The following PCGF3 variants were observed in gnomAD, a reference collection of about 807,000 sequenced individuals.
PCGF3 encodes the protein polycomb group RING finger protein 3.
Under a neutral mutation model 33.1 loss-of-function variants are expected in PCGF3, and 7 were observed. The observed-to-expected ratio is 0.21, with a 90% CI of 0.12 to 0.40. The LOEUF (loss-of-function observed/expected upper bound fraction) is 0.40, where lower values mean the gene tolerates loss of function less well. Among genes scored for constraint, PCGF3 ranks in the 10% least tolerant of loss-of-function variants. The pLI, the probability that PCGF3 is intolerant of heterozygous loss-of-function variation, is 1.00. For missense variants in PCGF3, 211 were observed against 313.3 expected (o/e 0.67, Z 2.46); for synonymous variants, 153 against 121.3 (o/e 1.26, Z -1.72).
chr4:715,629 C>G (rs541724758), intron 1 of PCGF3, among the ~76,000 whole-genome samples: 2 of 100,424 alleles, frequency 2.0e-5, no homozygotes, highest in East Asian at 7.7e-4. Context: ...CCTGTAGACA[C>G]TTAGTGTGAG....
intron 9 of PCGF3, among the ~76,000 whole-genome samples, chr4:763,514 A>G (rs574149824): frequency 7.9e-5 from 12 of 152,344 alleles, no homozygotes; most frequent in African/African-American, 1.9e-4. Flanking sequence ...GGGAAACGCA[A>G]GGAAAACTGC....
chr4:743,011 G>C (rs1401530320), intron 6 of PCGF3, among the ~76,000 whole-genome samples: 1 of 152,224 alleles, frequency 6.6e-6, no homozygotes, highest in African/African-American at 2.4e-5. Flanking sequence ...AGCGTGGGGG[G>C]AACCCAGTGG....
At chr4:765,181 C>G (rs1007472237) in intron 10 of PCGF3, 117 bp downstream of exon 10, 8 of 699,660 alleles carry the variant, frequency 1.1e-5, no homozygotes, top group Non-Finnish European at 1.8e-5. Context: ...TGCCTGTAAT[C>G]CCAGCACTTT....
chr4:741,751 G>T (rs1390441386), intron 6 of PCGF3, among the ~76,000 whole-genome samples: 1 of 152,132 alleles, frequency 6.6e-6, no homozygotes, highest in East Asian at 1.9e-4. Context: ...ACTGAGTGCT[G>T]CTATTTTTAA....
chr4:736,308 C>T (rs1360937718), intron 5 of PCGF3, among the ~76,000 whole-genome samples: 1 of 152,170 alleles, frequency 6.6e-6, no homozygotes, highest in Non-Finnish European at 1.5e-5. Context: ...TCAGTCTCCC[C>T]AAATGCTAGG....
intron 1 of PCGF3, 75 bp downstream of exon 1, chr4:706,045 C>T (rs2109493373): frequency 6.5e-6 from 1 of 153,124 alleles, no homozygotes; most frequent in Admixed American, 6.5e-5. Context: ...CCGTGTCCGG[C>T]CCGGAAGGCT....
intron 5 of PCGF3, among the ~76,000 whole-genome samples, chr4:735,493 C>T (rs867561648): frequency 3.9e-5 from 6 of 152,116 alleles, no homozygotes; most frequent in Non-Finnish European, 7.3e-5. Flanking sequence ...TTGCAGTAAG[C>T]GGAGATTGCG....
chr4:748,429 GC>G, intron 8 of PCGF3, among the ~76,000 whole-genome samples: 1 of 152,198 alleles, frequency 6.6e-6, no homozygotes, highest in South Asian at 2.1e-4. Context: ...CGAACTTCTG[GC>G]CCGCCTCAGC....
At chr4:731,546 G>A (rs1467626901) in intron 3 of PCGF3, among the ~76,000 whole-genome samples, 1 of 137,816 alleles carries the variant, frequency 7.3e-6, no homozygotes, top group Non-Finnish European at 1.6e-5. Context: ...GGGGTGTAGG[G>A]CGGGGCTCCC....
At chr4:738,103 G>T (rs771404353) in intron 6 of PCGF3, among the ~76,000 whole-genome samples, 1 of 152,268 alleles carries the variant, frequency 6.6e-6, no homozygotes, top group Admixed American at 6.5e-5. Context: ...AGGCCAAGGA[G>T]GGGCCAGGTC....
chr4:755,057 C>T lies in PCGF3; in HGVS notation c.463-6222C>T, dbSNP rs559970489. 3.6e-4 allele frequency among the ~76,000 whole-genome samples: 55 copies of T among 152,348 alleles called. 1 individual carries two copies. Among genetic ancestry groups the T allele is most frequent in the Non-Finnish European group, 4.4e-5 (3 of 68,034 alleles). On this transcript the variant is annotated intron_variant, in intron 8 of 10. Transcript: ENST00000362003. Reference sequence around the variant, plus strand: ...AGGTCTTTCTGCAGTGCCCTCTTTACAATCAGAGTTGCATTTCGAGGTGTG... The same window carrying T: ...AGGTCTTTCTGCAGTGCCCTCTTTATAATCAGAGTTGCATTTCGAGGTGTG...
intron 8 of PCGF3, among the ~76,000 whole-genome samples, chr4:749,313 C>A (rs1468851887): frequency 6.6e-6 from 1 of 151,622 alleles, no homozygotes; most frequent in East Asian, 1.9e-4. Flanking sequence ...TACAGGCATG[C>A]GCCACCACGC....
intron 8 of PCGF3, among the ~76,000 whole-genome samples, chr4:759,846 G>A (rs1330272518): frequency 4.2e-5 from 2 of 47,578 alleles, no homozygotes; most frequent in East Asian, 5.6e-4. Context: ...CTTTCTCCCC[G>A]CGCGGCCCCT....
At chr4:752,492 C>G (rs1744566224) in intron 8 of PCGF3, among the ~76,000 whole-genome samples, 1 of 152,224 alleles carries the variant, frequency 6.6e-6, no homozygotes, top group Non-Finnish European at 1.5e-5. Context: ...CTCTTTTCCC[C>G]CAGCTGCTGC....
chr4:722,125 T>G (rs1560199099), intron 1 of PCGF3: 1 of 154,872 alleles, frequency 6.5e-6, no homozygotes, highest in East Asian at 1.9e-4. Flanking sequence ...TGCAGTGTTA[T>G]CTAAGGACAC....
At chr4:725,183 G>A (rs1743272080) in intron 1 of PCGF3, 1 of 152,348 alleles carries the variant, frequency 6.6e-6, no homozygotes, top group South Asian at 2.1e-4. Flanking sequence ...GTTTTGATGA[G>A]GACTCGTATT....
chr4:766,111 C>G, exon 11 of PCGF3: 1 of 1,607,802 alleles, frequency 6.2e-7, no homozygotes, highest in Non-Finnish European at 8.5e-7. Flanking sequence ...AGACTGGGCC[C>G]TCGCACCCTT....
At chr4:734,348 G>C in intron 4 of PCGF3, 1 of 1,432,646 alleles carries the variant, frequency 7.0e-7, no homozygotes. Flanking sequence ...GACGACCGCT[G>C]TGTGCGTCTC....
intron 8 of PCGF3, among the ~76,000 whole-genome samples, chr4:755,286 C>A (rs1181947118): frequency 6.6e-6 from 1 of 151,574 alleles, no homozygotes; most frequent in Non-Finnish European, 1.5e-5. Flanking sequence ...CAGGTGTGTT[C>A]CACGGTATCT....
Sources: gnomAD v4.1 joint callset for allele counts (sites outside exome capture counted in the v4.1 genomes callset) on GRCh38, gnomAD v4.1.1 for gene constraint, MANE v1.5 for transcripts, NCBI Gene and HGNC (gene_info 2026-07-23, HGNC 2026-07-21) for gene names.